MTF2: variants seen among roughly 807,000 people sequenced by gnomAD.
MTF2 encodes the protein metal response element binding transcription factor 2, also known as metal-response element-binding transcription factor 2.
MTF2 carries 11 observed loss-of-function variants against 79.5 expected under a neutral mutation model. The observed-to-expected ratio is 0.14, with a 90% CI of 0.09 to 0.23. The LOEUF (loss-of-function observed/expected upper bound fraction) is 0.23. Ranked by LOEUF, MTF2 falls within the 10% of genes least tolerant of loss-of-function variation. The pLI, the probability that MTF2 is intolerant of heterozygous loss-of-function variation, is 1.00. For missense variants in MTF2, 486 were observed against 711.2 expected (o/e 0.68, Z 3.60); for synonymous variants, 208 against 232.8 (o/e 0.89, Z 0.97).
chr1:93,093,160 C>T (rs1170276913), intron 1 of MTF2, among the ~76,000 whole-genome samples: 7 of 150,180 alleles, frequency 4.7e-5, no homozygotes, highest in East Asian at 3.9e-4. Context: ...CCAGTGTGGG[C>T]GACAGAGTGA....
Position 93,120,692 on chromosome 1 carries a change from A to G in MTF2, c.921+20A>G. ...GGAGAGGTAGGTGGTCTGAGAACTA[A>G]CTTCAGTAGCTACTTGATGTCTTTT... On this transcript the variant is annotated intron_variant, in intron 9 of 14. Transcript: ENST00000370298. 1 of 1,600,352 alleles carries G rather than the reference A, an allele frequency of 6.2e-7. No individual in the cohort carries two copies. Among genetic ancestry groups the G allele is most frequent in the Non-Finnish European group, 8.5e-7 (1 of 1,175,812 alleles).
intron 1 of MTF2, among the ~76,000 whole-genome samples, chr1:93,095,448 C>A (rs752426519): frequency 2.0e-5 from 3 of 152,102 alleles, no homozygotes; most frequent in Non-Finnish European, 4.4e-5. Context: ...TCAAGCGATT[C>A]TCCTGCCTCA....
rs749908411 is a variant in MTF2, at chr1:93,136,895, C to T, written c.1650C>T (p.Asn550=). 6.2e-7 allele frequency: 1 copy of T among 1,614,200 alleles called. No homozygotes were observed. Among genetic ancestry groups the T allele is most frequent in the Non-Finnish European group, 8.5e-7 (1 of 1,180,032 alleles). ...AGTTACAACTCAATCATCTAAAGAA[C>T]TCCATTACCAGTTATTTTGGTGCTG... is the stretch of plus-strand genomic sequence containing the variant. The part of the protein sequence containing the change: ...DQELQLNHLK[N]SITSYFGAAG... The change falls in exon 15 of 15, where the codon AAC becomes AAT. Residue 550 remains asparagine (N), a synonymous_variant. Transcript: ENST00000370298.
intron 9 of MTF2, chr1:93,121,393 T>A (rs1656470975): frequency 1.2e-6 from 1 of 828,540 alleles, no homozygotes; most frequent in South Asian, 5.6e-5. Flanking sequence ...TTAACTACTT[T>A]TAGTTAAAAC....
intron 11 of MTF2, 73 bp downstream of exon 11, chr1:93,129,521 C>G: frequency 3.4e-6 from 4 of 1,162,338 alleles, no homozygotes; most frequent in Non-Finnish European, 4.6e-6. Flanking sequence ...ATTTAGTCTC[C>G]TTAGTATATT....
chr1:93,129,365 C>A lies in MTF2; in HGVS notation c.1077C>A (p.Phe359Leu). 6.3e-7 allele frequency: 1 copy of A among 1,596,366 alleles called. No individual in the cohort carries two copies. The highest frequency in any genetic ancestry group is 8.6e-7 in the Non-Finnish European group (1 of 1,167,840). The change falls in exon 11 of 15, where the codon TTC becomes TTA. Residue 359 changes from phenylalanine (F) to leucine (L), a missense_variant. Around this residue, in one of 4 missense-constraint regions of MTF2, gnomAD observed 177 missense variants for 364.0 expected, o/e 0.49. Coordinates refer to ENST00000370298, the MANE Select transcript of MTF2 (RefSeq NM_007358.4). ...RVPPVPPNVA[F>L]KAEKEPEGTS... ...CTCCTGTGCCACCAAATGTGGCTTTCAAAGCAGAGAAAGAACCTGAAGGAA... is the reference window on the plus strand; with the variant it reads ...CTCCTGTGCCACCAAATGTGGCTTTAAAAGCAGAGAAAGAACCTGAAGGAA...
chr1:93,125,407 A>G (rs1656655621), intron 9 of MTF2, among the ~76,000 whole-genome samples: 1 of 151,936 alleles, frequency 6.6e-6, no homozygotes, highest in African/African-American at 2.4e-5. Context: ...GAACTGGTTA[A>G]AATGAAAATT....
rs372778127 is a variant in MTF2 at position 93,127,220 on chromosome 1, G to T, written c.922-12G>T. ...ATTGTAGTGCGTTAAATTGTTTCTT[G>T]ATACTTCACAGCTGGCAGACACACC... On this transcript the variant is annotated splice_polypyrimidine_tract_variant and intron_variant, in intron 9 of 14. Coordinates refer to ENST00000370298, the MANE Select transcript of MTF2 (RefSeq NM_007358.4). 11 of 1,601,258 alleles carry T rather than the reference G, an allele frequency of 6.9e-6. No homozygotes were observed. The African/African-American group carries it at 1.5e-4, about 21-fold the overall frequency.
intron 11 of MTF2, 108 bp downstream of exon 11, chr1:93,129,556 T>G: frequency 1.3e-6 from 1 of 787,494 alleles, no homozygotes; most frequent in Non-Finnish European, 1.8e-6. Context: ...GCAGTTACTC[T>G]GATTTTTTTT....
chr1:93,093,592 CCTCT>C (rs1170730064), intron 1 of MTF2, among the ~76,000 whole-genome samples: 1 of 152,064 alleles, frequency 6.6e-6, no homozygotes, highest in East Asian at 1.9e-4. Flanking sequence ...TGGTTTACTC[CCTCT>C]GTTTAGTTTT....
Position 93,136,694 on chromosome 1 carries a change from G to C in MTF2, c.1449G>C (p.Thr483=). Residue 483 remains threonine, a synonymous_variant, in exon 15 of 15, where the codon ACG becomes ACC. Transcript: ENST00000370298. ...GATTATCTGACTCCAGAAAAAGAAC[G>C]CGTACAGGAAGATCTTGGCCTGCTG... ...HYGLSDSRKR[T]RTGRSWPAAI... 2 of 1,613,358 alleles carry C rather than the reference G, an allele frequency of 1.2e-6. No homozygotes were observed. Among genetic ancestry groups the C allele is most frequent in the South Asian group, 2.2e-5 (2 of 91,030 alleles).
At chr1:93,128,763 G>A (rs557457736) in intron 10 of MTF2, 1 of 150,140 alleles carries the variant, frequency 6.7e-6, no homozygotes, top group Non-Finnish European at 1.5e-5. Context: ...TTTGCCCCAG[G>A]TTATTTCCAT....
At chr1:93,133,385 TC>T (rs1647219849) in intron 11 of MTF2, among the ~76,000 whole-genome samples, 1 of 152,124 alleles carries the variant, frequency 6.6e-6, no homozygotes, top group African/African-American at 2.4e-5. Context: ...TTTGAAATCT[TC>T]CATCCAGTAT....
In MTF2 at chr1:93,115,481, A is replaced by T. The variant is rs758992644; in HGVS notation, c.495A>T (p.Ala165=). The change falls in exon 6 of 15, where the codon GCA becomes GCT. Residue 165 remains alanine, a synonymous_variant. Coordinates refer to ENST00000370298, the MANE Select transcript of MTF2 (RefSeq NM_007358.4). ...TCCCTCTAATGTAGAGGGGTGGTGC[A>T]CTTAAGAAAGGACCAAATGCCAAAG... ...VFATTTKRGG[A]LKKGPNAKAL... is the part of the protein sequence containing the mutation. The T allele has an allele frequency of 1.3e-6, 2 of 1,597,428 alleles. No individual in the cohort carries two copies. The highest frequency in any genetic ancestry group is 2.3e-5 in the South Asian group (2 of 88,158).
intron 1 of MTF2, 134 bp downstream of exon 1, chr1:93,079,665 C>G (rs1654516932): frequency 8.6e-7 from 1 of 1,160,188 alleles, no homozygotes; most frequent in South Asian, 1.3e-5. Flanking sequence ...ATGTGGGTGC[C>G]TTTGCATTTA....
intron 1 of MTF2, among the ~76,000 whole-genome samples, chr1:93,091,383 C>T (rs574228236): frequency 6.6e-6 from 1 of 151,396 alleles, no homozygotes; most frequent in Non-Finnish European, 1.5e-5. Context: ...CATGGCAATA[C>T]AAGATCTTGC....
chr1:93,120,954 G>A (rs919826698), intron 9 of MTF2: 5 of 1,104,526 alleles, frequency 4.5e-6, no homozygotes, highest in Non-Finnish European at 5.5e-6. Flanking sequence ...AAGATAGAAG[G>A]GAGGGAGAAA....
chr1:93,094,043 A>G lies in MTF2; in HGVS notation c.5+14512A>G, dbSNP rs1019944647. Among the ~76,000 whole-genome samples the G allele has an allele frequency of 2.6e-5, 4 of 152,086 alleles. No homozygotes were observed. In the East Asian group the frequency reaches 7.7e-4, roughly 29 times the overall value. ...TCAGTCCCTTGTTAGTTGCCCTTTTATCTCTTTGTAAACGTAGTATCTTTG... is the reference window on the plus strand; with the variant it reads ...TCAGTCCCTTGTTAGTTGCCCTTTTGTCTCTTTGTAAACGTAGTATCTTTG... On this transcript the variant is annotated intron_variant, in intron 1 of 14. Transcript: ENST00000370298.
chr1:93,130,996 A>G (rs1016180443), intron 11 of MTF2, among the ~76,000 whole-genome samples: 2 of 152,124 alleles, frequency 1.3e-5, no homozygotes, highest in African/African-American at 4.8e-5. Context: ...ATGATGTGAA[A>G]TACAGGCAAT....
Sources: allele counts gnomAD v4.1 joint callset (sites outside exome capture counted in the v4.1 genomes callset), GRCh38; gene constraint gnomAD v4.1.1; regional missense constraint gnomAD v4.1.1; transcripts MANE v1.5; gene names NCBI Gene and HGNC (gene_info 2026-07-23, HGNC 2026-07-21).